The following VTI1B variants were observed in gnomAD, a reference collection of about 807,000 sequenced individuals.
The protein encoded by VTI1B is vesicle transport through interaction with t-SNAREs homolog 1B.
VTI1B carries 18 observed loss-of-function variants against 28.6 expected under a neutral mutation model. The ratio of observed to expected loss-of-function variants is 0.63; its 90% CI spans 0.43 to 0.93. VTI1B has a LOEUF of 0.93. Ranked by LOEUF, VTI1B falls within the 40% of genes least tolerant of loss-of-function variation. VTI1B has a pLI of 0.00. For synonymous variants in VTI1B, 100 were observed against 107.9 expected, an observed-to-expected ratio of 0.93 and a Z score of 0.46; for missense variants, 283 against 297.0, an observed-to-expected ratio of 0.95 and a Z score of 0.35.
At chr14:67,655,651 A>G (rs181461395) in intron 4 of VTI1B, among the ~76,000 whole-genome samples, 125 of 152,308 alleles carry the variant, frequency 8.2e-4, no homozygotes, top group Non-Finnish European at 1.5e-3. Context: ...TTGGCTCTAA[A>G]TAACAGGATA....
intron 1 of VTI1B, among the ~76,000 whole-genome samples, chr14:67,667,212 C>T (rs566251887): frequency 2.4e-4 from 37 of 152,186 alleles, no homozygotes; most frequent in Admixed American, 3.9e-4. Flanking sequence ...CCAAGGTGGG[C>T]AGCCTCTCTT....
At chr14:67,662,364 G>T in intron 2 of VTI1B, 113 bp downstream of exon 2, 2 of 1,004,342 alleles carry the variant, frequency 2.0e-6, no homozygotes, top group Non-Finnish European at 3.0e-6. Context: ...GTAAGAAATA[G>T]TCAAAATCAA....
At chr14:67,660,066 G>GT (rs2037317109) in intron 2 of VTI1B, 144 bp from the exon 3 acceptor site, 1 of 818,434 alleles carries the variant, frequency 1.2e-6, no homozygotes, top group South Asian at 1.9e-5. Flanking sequence ...CAGGGACCAT[G>GT]TCTGGCATGT....
At chr14:67,667,729 G>A (rs2037418564) in intron 1 of VTI1B, among the ~76,000 whole-genome samples, 1 of 152,120 alleles carries the variant, frequency 6.6e-6, no homozygotes, top group Non-Finnish European at 1.5e-5. Flanking sequence ...CGGATCACGA[G>A]GTCAGGAGAT....
intron 5 of VTI1B, chr14:67,652,253 C>CAGTT (rs1488446457): frequency 6.6e-6 from 1 of 152,258 alleles, no homozygotes; most frequent in Non-Finnish European, 1.5e-5. Context: ...GTATTGGTGG[C>CAGTT]AGTTAGTACA....
intron 4 of VTI1B, 95 bp from the exon 5 acceptor site, chr14:67,653,593 T>C (rs971836474): frequency 7.2e-6 from 8 of 1,112,934 alleles, no homozygotes; most frequent in Non-Finnish European, 9.1e-6. Context: ...AAGGGATATA[T>C]GTTGAAAAAT....
Position 67,654,978 on chromosome 14 carries a change from G to A in VTI1B, c.540+1438C>T, listed in dbSNP as rs1389543024. ...TGGGAGGCGGAGCTTGCAGCGAGCC[G>A]AGATTGCGCCACTGCACTCCAGCCT... On this transcript the variant is annotated intron_variant, in intron 4 of 5. Coordinates refer to ENST00000554659, the MANE Select transcript of VTI1B (RefSeq NM_006370.3). Among the ~76,000 whole-genome samples the A allele has an allele frequency of 5.9e-5, 8 of 136,158 alleles. No individual in the cohort carries two copies. In the Admixed American group the frequency reaches 6.6e-4, roughly 11 times the overall value. 89.3% of individuals were successfully genotyped at this position (136,158 alleles called of 152,430 possible). A position where few individuals can be genotyped will look rare whatever the true frequency, so the allele number is the denominator to read the frequency against.
chr14:67,664,235 G>C (rs772977332), intron 1 of VTI1B, among the ~76,000 whole-genome samples: 4 of 152,134 alleles, frequency 2.6e-5, no homozygotes, highest in Admixed American at 2.6e-4. Context: ...ACCACTAACT[G>C]TTCTCCAGAA....
chr14:67,648,102 G>C lies in VTI1B; in HGVS notation c.*3283C>G, dbSNP rs1404926253. 1.9e-6 allele frequency: 3 copies of C among 1,613,872 alleles called. No individual in the cohort carries two copies. The South Asian group carries it at 3.3e-5, about 18-fold the overall frequency. The stretch of plus-strand genomic sequence containing the variant: ...TATTGATGCATTTGACCCTACACTG[G>C]CTCCAGCCACAGGAACTCCTGTTGT... On this transcript the variant is annotated 3_prime_UTR_variant, in exon 6 of 6. Transcript: ENST00000554659.
chr14:67,647,870 G>A lies in VTI1B; in HGVS notation c.*3515C>T. On this transcript the variant is annotated 3_prime_UTR_variant, in exon 6 of 6. Transcript: ENST00000554659. ...AAGTGGTATGTAGGAAGTTAATATT[G>A]CCAATCTCAGTAACTTCCAAGAATA... The A allele has an allele frequency of 4.7e-6, 3 of 643,416 alleles. No homozygotes were observed. Among genetic ancestry groups the A allele is most frequent in the South Asian group, 4.1e-5 (2 of 48,546 alleles). The allele number at this position is 643,416 out of a possible 1,614,324, so 39.9% of individuals were successfully genotyped here.
chr14:67,674,360 C>T lies in VTI1B; in HGVS notation c.115+15G>A. 2 of 1,576,552 alleles carry T rather than the reference C, an allele frequency of 1.3e-6. No individual in the cohort carries two copies. Among genetic ancestry groups the T allele is most frequent in the Non-Finnish European group, 1.7e-6 (2 of 1,163,224 alleles). On this transcript the variant is annotated intron_variant, in intron 1 of 5. Transcript: ENST00000554659. ...AGGGCTGCGCTCCCCACGGCGTGGC[C>T]CACCCCCGCCTCACCGGTCCCCGCC...
chr14:67,657,751 C>CT (rs548633018), intron 3 of VTI1B, among the ~76,000 whole-genome samples: 1,721 of 115,078 alleles, frequency 0.015, 48 homozygotes, highest in African/African-American at 0.041. Flanking sequence ...TTCTTTCTTT[C>CT]TTTTTTTTTT....
In VTI1B at chr14:67,651,460, C is replaced by T; in HGVS notation, c.624G>A (p.Leu208=). The change falls in exon 6 of 6, where the codon CTG becomes CTA. Residue 208 remains leucine (L), a synonymous_variant. Transcript: ENST00000554659. ...GCTCCAGTAAGATGATAATGGAAAGCAGCAGCTTGTTGGTTGTCACTCTAC... is the reference window on the plus strand; with the variant it reads ...GCTCCAGTAAGATGATAATGGAAAGTAGCAGCTTGTTGGTTGTCACTCTAC... The part of the protein sequence containing the change: ...MSRKVTTNKL[L]LSIIILLELA... 3 of 1,613,856 alleles carry T rather than the reference C, an allele frequency of 1.9e-6. No individual in the cohort carries two copies. Among genetic ancestry groups the T allele is most frequent in the Non-Finnish European group, 2.5e-6 (3 of 1,179,772 alleles).
intron 4 of VTI1B, among the ~76,000 whole-genome samples, chr14:67,654,530 G>T (rs1453914493): frequency 1.3e-5 from 2 of 152,150 alleles, no homozygotes; most frequent in African/African-American, 4.8e-5. Context: ...AGCTTGCCTT[G>T]AATGTAGTAC....
At chr14:67,670,138 G>A (rs528715595) in intron 1 of VTI1B, among the ~76,000 whole-genome samples, 1 of 152,118 alleles carries the variant, frequency 6.6e-6, no homozygotes, top group African/African-American at 2.4e-5. Flanking sequence ...CTGCCCAAAA[G>A]GCTCTTAACA....
intron 1 of VTI1B, among the ~76,000 whole-genome samples, chr14:67,665,705 C>G (rs1380166956): frequency 6.6e-6 from 1 of 152,112 alleles, no homozygotes; most frequent in African/African-American, 2.4e-5. Flanking sequence ...AACTATAAAC[C>G]TCCTTAGATG....
intron 4 of VTI1B, among the ~76,000 whole-genome samples, chr14:67,655,307 AC>A (rs1205030692): frequency 2.0e-5 from 3 of 152,180 alleles, no homozygotes; most frequent in Admixed American, 6.6e-5. Context: ...AGCCTGGGTG[AC>A]AGAGCAAGAC....
At chr14:67,657,780 GCT>G (rs1356618737) in intron 3 of VTI1B, among the ~76,000 whole-genome samples, 1 of 120,320 alleles carries the variant, frequency 8.3e-6, no homozygotes, top group Non-Finnish European at 1.7e-5. Flanking sequence ...AGACAGTCTC[GCT>G]CTGTCGCCCG....
At chr14:67,654,470 T>C (rs2037229321) in intron 4 of VTI1B, among the ~76,000 whole-genome samples, 1 of 152,186 alleles carries the variant, frequency 6.6e-6, no homozygotes, top group Non-Finnish European at 1.5e-5. Flanking sequence ...CTACCTGGTA[T>C]GTTCAAAAAC....
Sources: gnomAD v4.1 joint callset for allele counts (sites outside exome capture counted in the v4.1 genomes callset) on GRCh38, gnomAD v4.1.1 for gene constraint, MANE v1.5 for transcripts, NCBI Gene and HGNC (gene_info 2026-07-23, HGNC 2026-07-21) for gene names.